The following AFAP1L2 variants were observed in gnomAD, a reference collection of about 807,000 sequenced individuals.
AFAP1L2 encodes the protein actin filament associated protein 1 like 2.
AFAP1L2 carries 46 observed loss-of-function variants against 99.3 expected under a neutral mutation model. The observed-to-expected ratio is 0.46, with a 90% CI of 0.37 to 0.59. The LOEUF (loss-of-function observed/expected upper bound fraction) is 0.59, where lower values mean the gene tolerates loss of function less well. Among genes scored for constraint, AFAP1L2 ranks in the 20% least tolerant of loss-of-function variants. The pLI is 0.00. For synonymous variants in AFAP1L2, 397 were observed against 419.1 expected (o/e 0.95, Z 0.64); for missense variants, 959 against 1,034.9 (o/e 0.93, Z 1.01).
rs140486471 is a variant in AFAP1L2 at position 114,373,578 on chromosome 10, T to C, written c.16+30862A>G. 3.7e-3 allele frequency among the ~76,000 whole-genome samples: 556 copies of C among 152,248 alleles called. 3 individuals are homozygous for C. Among genetic ancestry groups the C allele is most frequent in the African/African-American group, 0.013 (523 of 41,548 alleles). ...AGGTGGAGGTTGCAGTGAGCGGGGA[T>C]TGTGCTATTGCACTCCAGCCTGGGT... On this transcript the variant is annotated intron_variant, in intron 1 of 18. Transcript: ENST00000304129.
chr10:114,321,019 C>T (rs1390893615), intron 5 of AFAP1L2, among the ~76,000 whole-genome samples: 1 of 152,240 alleles, frequency 6.6e-6, no homozygotes, highest in Non-Finnish European at 1.5e-5. Context: ...CAGGCGCTCA[C>T]TTCCCACAGA....
chr10:114,302,592 A>G lies in AFAP1L2; in HGVS notation c.1285-108T>C, dbSNP rs1401843158. On this transcript the variant is annotated intron_variant, in intron 11 of 18. Transcript: ENST00000304129. The stretch of plus-strand genomic sequence containing the variant: ...CCCCTACCCCTGAGCCTGCCCACGA[A>G]AGCCTCTGTAACAGCCCGGGGCTGT... 2.1e-6 allele frequency: 3 copies of G among 1,397,316 alleles called. No homozygotes were observed. The East Asian group carries it at 7.0e-5, about 32-fold the overall frequency. 86.6% of individuals were successfully genotyped at this position (1,397,316 alleles called of 1,614,324 possible). A position where few individuals can be genotyped will look rare whatever the true frequency, so the allele number is the denominator to read the frequency against.
chr10:114,291,275 C>T (rs2039573392), downstream of AFAP1L2: 1 of 1,543,466 alleles, frequency 6.5e-7, no homozygotes, highest in Non-Finnish European at 8.7e-7. Context: ...GCAGCCGTAC[C>T]CCTCCCAGCA....
downstream of AFAP1L2, among the ~76,000 whole-genome samples, chr10:114,290,723 A>T (rs144926838): frequency 1.2e-5 from 1 of 86,440 alleles, no homozygotes; most frequent in Non-Finnish European, 2.4e-5. Context: ...CAGTAGATCC[A>T]GGGTACAGGG....
chr10:114,315,775 A>T lies in AFAP1L2; in HGVS notation c.407-10T>A. ...ACAGCCTCTCCGTCCTCTGCAAGGA[A>T]GACCAGCTCGGTCAGGGCCCCATGG... On this transcript the variant is annotated splice_polypyrimidine_tract_variant and intron_variant, in intron 5 of 18. Coordinates refer to ENST00000304129, the MANE Select transcript of AFAP1L2 (RefSeq NM_001001936.3). The T allele has an allele frequency of 6.2e-7, 1 of 1,605,986 alleles. No homozygotes were observed. Among genetic ancestry groups the T allele is most frequent in the Non-Finnish European group, 8.5e-7 (1 of 1,176,240 alleles).
At position 114,296,076 on chromosome 10, in the gene AFAP1L2, A is replaced by G; in HGVS notation, c.2431-8T>C. 1 of 1,614,162 alleles carries G rather than the reference A, an allele frequency of 6.2e-7. No individual in the cohort carries two copies. The highest frequency in any genetic ancestry group is 8.5e-7 in the Non-Finnish European group (1 of 1,179,992). On this transcript the variant is annotated splice_region_variant and splice_polypyrimidine_tract_variant and intron_variant, in intron 18 of 18. Coordinates refer to ENST00000304129, the MANE Select transcript of AFAP1L2 (RefSeq NM_001001936.3). Reference sequence around the variant, plus strand: ...TCCTTTCTTCTCCCATTCCTAGGGTACCATTCAAATACCAGCACCCACCCC... The same window carrying G: ...TCCTTTCTTCTCCCATTCCTAGGGTGCCATTCAAATACCAGCACCCACCCC...
At chr10:114,365,725 T>A (rs550210991) in intron 1 of AFAP1L2, among the ~76,000 whole-genome samples, 2 of 98,894 alleles carry the variant, frequency 2.0e-5, no homozygotes, top group South Asian at 6.1e-4. Context: ...CTCTCTCTCT[T>A]TTTTTTTTTT....
chr10:114,315,543 A>G lies in AFAP1L2; in HGVS notation c.612+17T>C, dbSNP rs763045975. 1.9e-6 allele frequency: 3 copies of G among 1,613,322 alleles called. No individual in the cohort carries two copies. Among genetic ancestry groups the G allele is most frequent in the Non-Finnish European group, 2.5e-6 (3 of 1,179,712 alleles). On this transcript the variant is annotated intron_variant, in intron 6 of 18. Transcript: ENST00000304129. ...AGGAGAGGAGTCGGGGGACAAGACG[A>G]CGTAAGGCAGACTGACCAGAAGCCT...
chr10:114,300,877 C>G (rs1187618670), intron 13 of AFAP1L2, among the ~76,000 whole-genome samples, 187 bp from the exon 14 acceptor site: 1 of 152,156 alleles, frequency 6.6e-6, no homozygotes, highest in Non-Finnish European at 1.5e-5. Context: ...CCAGACAGAG[C>G]ACTTAACTTC....
chr10:114,328,848 C>A (rs971186268), intron 4 of AFAP1L2, among the ~76,000 whole-genome samples: 17 of 152,174 alleles, frequency 1.1e-4, no homozygotes. Flanking sequence ...AGGGAGAGTG[C>A]CCGGTGAACA....
At chr10:114,340,923 G>A (rs559987561) in intron 1 of AFAP1L2, 192 bp from the exon 2 acceptor site, 2 of 695,698 alleles carry the variant, frequency 2.9e-6, no homozygotes, top group Admixed American at 5.1e-5. Context: ...GCCACAGGGA[G>A]AGAGAAACAG....
At chr10:114,286,131 T>TGGGG in the AFAP1L2 span, 1 of 1,613,990 alleles carries the variant, frequency 6.2e-7, no homozygotes, top group South Asian at 1.1e-5. Context: ...GCGGTGCCTG[T>TGGGG]GGGGGAGTAC....
chr10:114,291,679 A>C (rs1322229495), downstream of AFAP1L2, among the ~76,000 whole-genome samples: 1 of 152,238 alleles, frequency 6.6e-6, no homozygotes, highest in African/African-American at 2.4e-5. Context: ...TTACTAGAGC[A>C]TCCTTTGGAC....
chr10:114,392,040 C>T (rs1036125007), intron 1 of AFAP1L2, among the ~76,000 whole-genome samples: 7 of 152,126 alleles, frequency 4.6e-5, no homozygotes, highest in African/African-American at 1.2e-4. Flanking sequence ...GAAATCTAGG[C>T]TTATCTTAGC....
chr10:114,404,386 G>T, intron 1 of AFAP1L2, 54 bp downstream of exon 1: 1 of 1,517,642 alleles, frequency 6.6e-7, no homozygotes, highest in Non-Finnish European at 8.9e-7. Flanking sequence ...TGCCCTCCGC[G>T]TCGCTGGGCG....
At chr10:114,307,515 G>C (rs1484785054) in intron 10 of AFAP1L2, among the ~76,000 whole-genome samples, 1 of 151,748 alleles carries the variant, frequency 6.6e-6, no homozygotes, top group East Asian at 1.9e-4. Flanking sequence ...TATATACCCT[G>C]TAAATATAGA....
intron 1 of AFAP1L2, among the ~76,000 whole-genome samples, chr10:114,378,896 T>C (rs192912182): frequency 7.3e-5 from 11 of 151,074 alleles, no homozygotes; most frequent in African/African-American, 2.4e-4. Flanking sequence ...ACTAGGTCAC[T>C]CTGATCGGGA....
intron 1 of AFAP1L2, among the ~76,000 whole-genome samples, chr10:114,348,129 C>T (rs1333550364): frequency 1.3e-5 from 2 of 152,120 alleles, no homozygotes; most frequent in Admixed American, 6.5e-5. Context: ...ATGGCTACTT[C>T]CTTCCTTCTT....
chr10:114,360,517 A>T (rs201068333), intron 1 of AFAP1L2, among the ~76,000 whole-genome samples: 7,604 of 125,262 alleles, frequency 0.061, 205 homozygotes, highest in East Asian at 0.094. Context: ...AGTTAGATAG[A>T]TAGATAGATA....
Sources: allele counts gnomAD v4.1 joint callset (sites outside exome capture counted in the v4.1 genomes callset), GRCh38; gene constraint gnomAD v4.1.1; transcripts MANE v1.5; gene names NCBI Gene and HGNC (gene_info 2026-07-23, HGNC 2026-07-21).